Variants in ACYP2 observed in about 807,000 individuals in gnomAD.
The protein encoded by ACYP2 is acylphosphatase-2.
ACYP2 carries 12 observed loss-of-function variants against 11.2 expected under a neutral mutation model. The ratio of observed to expected loss-of-function variants is 1.08; its 90% confidence interval spans 0.69 to 1.74. ACYP2 has a LOEUF of 1.74. Among genes scored for constraint, ACYP2 ranks in the 40% most tolerant of loss-of-function variants. The pLI is 0.00. For synonymous variants in ACYP2, 43 were observed against 32.2 expected (o/e 1.33, Z -1.13); for missense variants, 134 against 101.9 (o/e 1.31, Z -1.35).
rs115908461 is a variant in ACYP2 at position 54,022,914 on chromosome 2, C to T, written c.63-28044C>T. Among the ~76,000 whole-genome samples, 850 of 152,230 alleles carry T rather than the reference C, an allele frequency of 5.6e-3. 5 individuals are homozygous for T. Among genetic ancestry groups the T allele is most frequent in the African/African-American group, 0.019 (781 of 41,528 alleles). On this transcript the variant is annotated intron_variant, in intron 2 of 6. Transcript: ENST00000607452. ...GCCTTTTGTCCTATCATATTTTTCA[C>T]GACTTTCCAATCTTCATCAAACCTA...
intron 6 of ACYP2, among the ~76,000 whole-genome samples, chr2:54,150,433 T>C (rs1682101191): frequency 6.6e-6 from 1 of 152,208 alleles, no homozygotes; most frequent in Non-Finnish European, 1.5e-5. Flanking sequence ...TGTTTGTTTG[T>C]TTTTTAAGAC....
At chr2:54,240,536 G>C (rs780269098) in intron 6 of ACYP2, among the ~76,000 whole-genome samples, 1 of 152,154 alleles carries the variant, frequency 6.6e-6, no homozygotes, top group African/African-American at 2.4e-5. Flanking sequence ...CACCCCTAAA[G>C]ATATCAATAA....
intron 4 of ACYP2, among the ~76,000 whole-genome samples, chr2:54,069,052 T>C (rs549124929): frequency 6.2e-4 from 94 of 152,196 alleles, no homozygotes; most frequent in African/African-American, 2.2e-3. Context: ...CTCATCCTCT[T>C]GAGTAGCTGG....
chr2:54,233,043 G>GT (rs879940241), intron 6 of ACYP2, among the ~76,000 whole-genome samples: 72 of 146,776 alleles, frequency 4.9e-4, no homozygotes, highest in South Asian at 1.1e-3. Flanking sequence ...TCACAATTAA[G>GT]TTTTTTTTTT....
intron 6 of ACYP2, among the ~76,000 whole-genome samples, chr2:54,149,093 A>C (rs988108886): frequency 6.6e-6 from 1 of 152,142 alleles, no homozygotes; most frequent in African/African-American, 2.4e-5. Context: ...AGTACAAAAA[A>C]CACAAAAATT....
At chr2:54,304,224 G>C (rs932434322) in intron 6 of ACYP2, among the ~76,000 whole-genome samples, 2 of 99,284 alleles carry the variant, frequency 2.0e-5, no homozygotes, top group African/African-American at 6.6e-5. Context: ...ATGTCTGTGT[G>C]TGTGTGTGTG....
intron 4 of ACYP2, among the ~76,000 whole-genome samples, chr2:54,070,898 ATTTGTTTGTTTGTTTG>A (rs112798436): frequency 2.7e-5 from 4 of 150,170 alleles, no homozygotes. Flanking sequence ...ACACCCAGCT[ATTTGTTTGTTTGTTTG>A]TTTGTTTGTT....
At chr2:54,176,452 T>A (rs1395671672) in intron 6 of ACYP2, among the ~76,000 whole-genome samples, 1 of 152,246 alleles carries the variant, frequency 6.6e-6, no homozygotes, top group East Asian at 1.9e-4. Context: ...AGCTGTGGAC[T>A]GCTGTCTGAA....
chr2:54,114,052 T>C (rs1043606959), intron 4 of ACYP2, among the ~76,000 whole-genome samples: 1 of 151,988 alleles, frequency 6.6e-6, no homozygotes, highest in African/African-American at 2.4e-5. Flanking sequence ...GATTTAACCA[T>C]ATTCTAACCA....
At chr2:54,201,642 C>CTT (rs768069057) in intron 6 of ACYP2, among the ~76,000 whole-genome samples, 3,128 of 78,134 alleles carry the variant, frequency 0.04, 107 homozygotes, top group South Asian at 0.084. Flanking sequence ...CTTTCTCTTT[C>CTT]TTTCTTTCTT....
chr2:54,161,416 G>C (rs1299669035), intron 6 of ACYP2, among the ~76,000 whole-genome samples: 1 of 152,128 alleles, frequency 6.6e-6, no homozygotes, highest in Non-Finnish European at 1.5e-5. Flanking sequence ...CTATTGATGG[G>C]AAAACTCAGG....
intron 6 of ACYP2, among the ~76,000 whole-genome samples, chr2:54,160,503 C>G (rs1217068643): frequency 6.6e-6 from 1 of 152,190 alleles, no homozygotes; most frequent in East Asian, 1.9e-4. Flanking sequence ...TCCTTAAAGG[C>G]AGGGATTGTC....
intron 6 of ACYP2, among the ~76,000 whole-genome samples, chr2:54,280,832 G>A (rs1452643862): frequency 1.3e-5 from 2 of 152,142 alleles, no homozygotes; most frequent in Admixed American, 1.3e-4. Context: ...TAATCGATAG[G>A]AAGAAAGAGA....
chr2:54,266,553 A>AAGATAGAT (rs146123390), intron 6 of ACYP2, among the ~76,000 whole-genome samples: 2 of 134,824 alleles, frequency 1.5e-5, no homozygotes, highest in African/African-American at 5.7e-5. Context: ...TAGCTAGATA[A>AAGATAGAT]AGATAGATAG....
At position 53,974,315 on chromosome 2, in the gene ACYP2, T is replaced by C. The variant is rs543955795; in HGVS notation, c.62+505T>C. On this transcript the variant is annotated intron_variant, in intron 2 of 6. Coordinates refer to ENST00000607452, the MANE Select transcript of ACYP2 (RefSeq NM_001320586.2). ...AAGAGCGGAAGAGAATGTGGAGTCA[T>C]TGACCTTTAGAAGCAAATCAAACTG... 4.6e-5 allele frequency among the ~76,000 whole-genome samples: 7 copies of C among 152,306 alleles called. No individual in the cohort carries two copies. The South Asian group carries it at 8.3e-4, about 18-fold the overall frequency.
At chr2:54,140,235 A>T (rs1252045031) in intron 6 of ACYP2, among the ~76,000 whole-genome samples, 2 of 152,172 alleles carry the variant, frequency 1.3e-5, no homozygotes, top group African/African-American at 4.8e-5. Flanking sequence ...ATTGTGTGGA[A>T]GTTTTAAAGT....
chr2:53,977,650 G>T (rs1347113703), intron 2 of ACYP2, among the ~76,000 whole-genome samples: 1 of 150,696 alleles, frequency 6.6e-6, no homozygotes, highest in Admixed American at 6.6e-5. Context: ...CAGGAGAATC[G>T]CTTGAACCTG....
At chr2:54,034,666 A>G (rs966628904) in intron 2 of ACYP2, among the ~76,000 whole-genome samples, 2 of 152,212 alleles carry the variant, frequency 1.3e-5, no homozygotes, top group African/African-American at 4.8e-5. Flanking sequence ...TATATTTACA[A>G]CAGGGATATT....
intron 6 of ACYP2, among the ~76,000 whole-genome samples, chr2:54,294,381 G>A (rs1367708321): frequency 6.6e-6 from 1 of 151,960 alleles, no homozygotes; most frequent in Non-Finnish European, 1.5e-5. Context: ...TTAGTGTTAG[G>A]TTAATAGGGC....
Sources: gnomAD v4.1 joint callset for allele counts (sites outside exome capture counted in the v4.1 genomes callset) on GRCh38, gnomAD v4.1.1 for gene constraint, MANE v1.5 for transcripts, NCBI Gene and HGNC (gene_info 2026-07-23, HGNC 2026-07-21) for gene names.